The following CLSTN2 variants were observed in gnomAD, a reference collection of about 807,000 sequenced individuals.
CLSTN2 encodes the protein calsyntenin 2, also known as calsyntenin-2.
Under a neutral mutation model 101.2 loss-of-function variants are expected in CLSTN2, and 48 were observed. The ratio of observed to expected loss-of-function variants is 0.47; its 90% confidence interval spans 0.38 to 0.60. The LOEUF (loss-of-function observed/expected upper bound fraction) is 0.60, where lower values mean the gene tolerates loss of function less well. CLSTN2 is among the 20% of genes least tolerant of loss of function. The pLI is 0.00. For synonymous variants in CLSTN2, 481 were observed against 463.6 expected (o/e 1.04, Z -0.48); for missense variants, 1,160 against 1,238.2 (o/e 0.94, Z 0.95).
rs776997183 is a variant in CLSTN2, at chr3:140,546,580, C to T, written c.1573C>T (p.Arg525Cys). ...TGGAAGCCTGGCCAGTCTCACCATC[C>T]GCCCTGGCAAAATGGAAAGCCAGAA... is the stretch of plus-strand genomic sequence containing the variant. Reference protein sequence around the residue: ...FHGSLASLTIRPGKMESQKVI... With the variant: ...FHGSLASLTICPGKMESQKVI... Residue 525 changes from arginine (R) to cysteine (C), a missense_variant, in exon 10 of 17, where the codon CGC becomes TGC. Physicochemically the swap from Arg to Cys is radical, Grantham distance 180. Coordinates refer to ENST00000458420, the MANE Select transcript of CLSTN2 (RefSeq NM_022131.3). 20 of 1,613,962 alleles carry T rather than the reference C, an allele frequency of 1.2e-5. No individual in the cohort carries two copies. The highest frequency in any genetic ancestry group is 3.3e-4 in the Middle Eastern group (2 of 6,068).
At position 140,567,363 on chromosome 3, in the gene CLSTN2, A is replaced by G. The variant is rs936186498; in HGVS notation, c.*1110A>G. 3 of 152,176 alleles carry G rather than the reference A, an allele frequency of 2.0e-5. No homozygotes were observed. The allele number at this position is 152,176 out of a possible 1,614,324, so 9.4% of individuals were successfully genotyped here. ...ACGCACGAGCTCCACCAAGTCTACA[A>G]TGAAAGTTTGAAATTTAACTGCAAG... On this transcript the variant is annotated 3_prime_UTR_variant, in exon 17 of 17. Transcript: ENST00000458420.
rs564467046 is a variant in CLSTN2 at position 140,208,161 on chromosome 3, C to A, written c.232+32088C>A. ...TTTTTTCATTACTTTTTCTTCTAAG[C>A]AAAAACAAAGGTTCTCCAACCAAAA... On this transcript the variant is annotated intron_variant, in intron 2 of 16. Transcript: ENST00000458420. Among the ~76,000 whole-genome samples, 304 of 152,114 alleles carry A rather than the reference C, an allele frequency of 2.0e-3. 1 individual carries two copies. Among genetic ancestry groups the A allele is most frequent in the Admixed American group, 4.6e-3 (71 of 15,286 alleles).
chr3:140,485,122 G>A (rs1288823024), intron 8 of CLSTN2, among the ~76,000 whole-genome samples: 6 of 152,272 alleles, frequency 3.9e-5, no homozygotes, highest in East Asian at 1.9e-4. Flanking sequence ...TGGTGGTGAC[G>A]TACAGATGGG....
At chr3:140,560,253 C>T (rs1481251970) in intron 12 of CLSTN2, among the ~76,000 whole-genome samples, 2 of 152,110 alleles carry the variant, frequency 1.3e-5, no homozygotes, top group East Asian at 3.9e-4. Flanking sequence ...TGGCATTTGC[C>T]CCCAGGCCTC....
At chr3:140,118,673 T>A (rs2009285949) in intron 1 of CLSTN2, among the ~76,000 whole-genome samples, 1 of 152,028 alleles carries the variant, frequency 6.6e-6, no homozygotes, top group African/African-American at 2.4e-5. Flanking sequence ...TTGCATTGGA[T>A]AGGTGGGGGG....
chr3:139,946,085 C>A (rs558500296), intron 1 of CLSTN2, among the ~76,000 whole-genome samples: 159 of 152,260 alleles, frequency 1.0e-3, no homozygotes, highest in African/African-American at 3.6e-3. Flanking sequence ...TAAGTAAGTA[C>A]ATATATCAAA....
rs754977545 is a variant in CLSTN2 at position 140,532,384 on chromosome 3, T to C, written c.1405T>C (p.Tyr469His). 5.6e-6 allele frequency: 9 copies of C among 1,613,696 alleles called. No homozygotes were observed. The South Asian group carries it at 7.7e-5, about 14-fold the overall frequency. The change falls in exon 9 of 17, where the codon TAC becomes CAC. Residue 469 changes from tyrosine to histidine, a missense_variant. Physicochemically the swap from Tyr to His is moderately conservative, Grantham distance 83. Coordinates refer to ENST00000458420, the MANE Select transcript of CLSTN2 (RefSeq NM_022131.3). ...INVEFPVVTL[Y>H]MDGATYEPYL... ...TGTGGAGTTTCCTGTGGTAACCTTA[T>C]ACATGGATGGAGCAACATATGAACC...
chr3:140,389,110 G>A (rs1031723199), intron 2 of CLSTN2, among the ~76,000 whole-genome samples: 4 of 148,032 alleles, frequency 2.7e-5, no homozygotes, highest in African/African-American at 7.5e-5. Flanking sequence ...TTATATCTAT[G>A]TTCATGACAA....
At chr3:140,357,848 C>A (rs1298110876) in intron 2 of CLSTN2, among the ~76,000 whole-genome samples, 1 of 152,136 alleles carries the variant, frequency 6.6e-6, no homozygotes, top group African/African-American at 2.4e-5. Flanking sequence ...AGCTGACCAA[C>A]CTCAATGACT....
intron 1 of CLSTN2, among the ~76,000 whole-genome samples, chr3:140,113,914 G>T (rs1015651616): frequency 6.6e-6 from 1 of 152,228 alleles, no homozygotes; most frequent in Non-Finnish European, 1.5e-5. Flanking sequence ...GATATGTAGT[G>T]TGGGAAGTTA....
intron 2 of CLSTN2, among the ~76,000 whole-genome samples, chr3:140,366,619 T>G (rs2087792675): frequency 6.6e-6 from 1 of 152,116 alleles, no homozygotes; most frequent in South Asian, 2.1e-4. Flanking sequence ...TCCTGGGCCT[T>G]CACCTCACTT....
At chr3:140,195,569 A>G (rs1023036899) in intron 2 of CLSTN2, among the ~76,000 whole-genome samples, 54 of 152,334 alleles carry the variant, frequency 3.5e-4, no homozygotes, top group African/African-American at 1.3e-3. Context: ...TTAAAAAAAA[A>G]TCTGGAAAGG....
At chr3:140,299,606 TCTC>T (rs1386950720) in intron 2 of CLSTN2, among the ~76,000 whole-genome samples, 16 of 152,128 alleles carry the variant, frequency 1.1e-4, no homozygotes, top group Non-Finnish European at 2.4e-4. Context: ...TTAATTGTCT[TCTC>T]CTACTGTGTT....
intron 2 of CLSTN2, among the ~76,000 whole-genome samples, chr3:140,239,116 G>A (rs2086439047): frequency 6.6e-6 from 1 of 152,164 alleles, no homozygotes; most frequent in South Asian, 2.1e-4. Context: ...GAAGGCTTCA[G>A]TAACCCTAGT....
At chr3:140,209,447 T>C (rs2010827849) in intron 2 of CLSTN2, among the ~76,000 whole-genome samples, 1 of 152,172 alleles carries the variant, frequency 6.6e-6, no homozygotes, top group Non-Finnish European at 1.5e-5. Flanking sequence ...TGGTGCGAGA[T>C]AGCTGCGAGA....
At chr3:140,152,513 A>G (rs1576447212) in intron 1 of CLSTN2, among the ~76,000 whole-genome samples, 1 of 152,228 alleles carries the variant, frequency 6.6e-6, no homozygotes, top group Admixed American at 6.5e-5. Context: ...AATTATTAGT[A>G]TAACTATTAA....
intron 1 of CLSTN2, among the ~76,000 whole-genome samples, chr3:140,016,793 G>GAAAAAAAAAAAAAAAAAAAA: frequency 1.1e-5 from 1 of 89,296 alleles, no homozygotes; most frequent in Non-Finnish European, 2.0e-5. Flanking sequence ...GTGAGACTCT[G>GAAAAAAAAAAAAAAAAAAAA]AAAAAAAAAA....
chr3:140,432,044 G>A (rs143537366), intron 5 of CLSTN2, among the ~76,000 whole-genome samples: 82 of 152,284 alleles, frequency 5.4e-4, no homozygotes, highest in African/African-American at 1.7e-3. Context: ...TAAATCCATA[G>A]AATTGAGTAA....
chr3:140,376,900 G>A (rs575858765), intron 2 of CLSTN2, among the ~76,000 whole-genome samples: 3 of 152,294 alleles, frequency 2.0e-5, no homozygotes, highest in African/African-American at 7.2e-5. Flanking sequence ...CCTCTGAAGT[G>A]AAGGAAAGGA....
Sources: gnomAD v4.1 joint callset for allele counts (sites outside exome capture counted in the v4.1 genomes callset) on GRCh38, gnomAD v4.1.1 for gene constraint, MANE v1.5 for transcripts, NCBI Gene and HGNC (gene_info 2026-07-23, HGNC 2026-07-21) for gene names.